Variants in UGT1A5 observed in about 807,000 individuals in gnomAD.
The protein encoded by UGT1A5 is UDP-glucuronosyltransferase 1A5.
A neutral mutation model predicts 40.3 loss-of-function variants in UGT1A5; 29 were observed. The observed-to-expected ratio is 0.72, with a 90% CI of 0.54 to 0.98. The LOEUF is 0.98. UGT1A5 is among the 50% of genes least tolerant of loss of function. The pLI is 0.00. For missense variants in UGT1A5, 678 were observed against 677.9 expected, an observed-to-expected ratio of 1.00 and a Z score of 0.00; for synonymous variants, 257 against 262.5, an observed-to-expected ratio of 0.98 and a Z score of 0.20.
intron 1 of UGT1A5, among the ~76,000 whole-genome samples, chr2:233,744,373 G>A (rs1353064237): frequency 6.6e-6 from 1 of 151,860 alleles, no homozygotes; most frequent in Non-Finnish European, 1.5e-5. Context: ...TAGGACTGCA[G>A]TTCTCCAACG....
chr2:233,771,369 G>A (rs987787590), intron 4 of UGT1A5: 2 of 151,684 alleles, frequency 1.3e-5, no homozygotes, highest in African/African-American at 4.8e-5. Flanking sequence ...CACCTAACCC[G>A]TTTTGGATTG....
chr2:233,751,515 A>G (rs1261607058), intron 1 of UGT1A5, among the ~76,000 whole-genome samples: 1 of 152,234 alleles, frequency 6.6e-6, no homozygotes, highest in Non-Finnish European at 1.5e-5. Flanking sequence ...GCCAGAGGGC[A>G]GAATGATATG....
chr2:233,733,069 G>A (rs899757131), intron 1 of UGT1A5, among the ~76,000 whole-genome samples: 2 of 152,108 alleles, frequency 1.3e-5, no homozygotes, highest in African/African-American at 4.8e-5. Context: ...TCTCTTTGTA[G>A]CAATTGTGAA....
At chr2:233,747,780 C>T (rs1371324079) in intron 1 of UGT1A5, 2 of 1,613,384 alleles carry the variant, frequency 1.2e-6, no homozygotes, top group Non-Finnish European at 1.7e-6. Flanking sequence ...GTGTCCAAAT[C>T]CTTCCTCCTA....
In UGT1A5 at chr2:233,743,774, T is replaced by G. The variant is rs370785747; in HGVS notation, c.868-23260T>G. On this transcript the variant is annotated intron_variant, in intron 1 of 4. Transcript: ENST00000373414. ...CAACACCTCGTAGGCCTCGGCCACC[T>G]GCTTGAATCTCCTCTCCGCTTCCTC... 2.2e-6 allele frequency: 3 copies of G among 1,367,230 alleles called. No homozygotes were observed. The African/African-American group carries it at 4.4e-5, about 20-fold the overall frequency. 84.7% of individuals were successfully genotyped at this position (1,367,230 alleles called of 1,614,324 possible).
chr2:233,739,074 T>A (rs1271021354), intron 1 of UGT1A5: 1 of 152,242 alleles, frequency 6.6e-6, no homozygotes, highest in Non-Finnish European at 1.5e-5. Flanking sequence ...GGTGCAAACC[T>A]CAAGCCTTGG....
chr2:233,756,342 A>G (rs1696188900), intron 1 of UGT1A5: 1 of 152,190 alleles, frequency 6.6e-6, no homozygotes, highest in Non-Finnish European at 1.5e-5. Flanking sequence ...TCATCTCTTG[A>G]TTACTTTTAC....
intron 1 of UGT1A5, chr2:233,738,890 T>A (rs1690929435): frequency 6.6e-6 from 1 of 152,188 alleles, no homozygotes. Flanking sequence ...TCAGAGACCT[T>A]TGCAGCAGAC....
intron 1 of UGT1A5, chr2:233,722,202 A>C (rs1295907588): frequency 1.9e-5 from 3 of 154,218 alleles, no homozygotes; most frequent in Admixed American, 6.5e-5. Context: ...TACTGAGTGC[A>C]TGAAAGATCA....
intron 1 of UGT1A5, chr2:233,717,747 C>G (rs1435136847): frequency 4.4e-6 from 2 of 456,422 alleles, no homozygotes; most frequent in Non-Finnish European, 8.8e-6. Flanking sequence ...CTCAGGGTCT[C>G]CCCCTAGAAA....
At chr2:233,743,809 AGGGTTTTTGTC>A in intron 1 of UGT1A5, 1 of 1,367,146 alleles carries the variant, frequency 7.3e-7, no homozygotes, top group Non-Finnish European at 9.8e-7. Context: ...CCTTGTTCTC[AGGGTTTTTGTC>A]GGGGTGCCAC....
Position 233,767,048 on chromosome 2 carries a change from C to T in UGT1A5, c.882C>T (p.Tyr294=), listed in dbSNP as rs1206098754. Residue 294 remains tyrosine (Y), a synonymous_variant, in exon 2 of 5, where the codon TAC becomes TAT. Transcript: ENST00000373414. ...TCTGGCTCTAGGAATTTGAAGCCTACATTAATGCTTCTGGAGAACATGGAA... is the reference window on the plus strand; with the variant it reads ...TCTGGCTCTAGGAATTTGAAGCCTATATTAATGCTTCTGGAGAACATGGAA... ...GKPLSQEFEA[Y]INASGEHGIV... 1.9e-6 allele frequency: 3 copies of T among 1,614,068 alleles called. No homozygotes were observed. Among genetic ancestry groups the T allele is most frequent in the Admixed American group, 3.3e-5 (2 of 60,010 alleles).
At chr2:233,767,733 C>A in intron 2 of UGT1A5, 116 bp from the exon 3 acceptor site, 1 of 1,566,288 alleles carries the variant, frequency 6.4e-7, no homozygotes, top group Non-Finnish European at 8.7e-7. Flanking sequence ...CTGATCCTCC[C>A]ACTCTGTTAA....
chr2:233,729,041 C>T (rs1448371491), intron 1 of UGT1A5: 32 of 1,605,278 alleles, frequency 2.0e-5, no homozygotes, highest in Non-Finnish European at 2.7e-5. Flanking sequence ...CTAAGTGGCT[C>T]AGTGACAAGG....
chr2:233,735,747 T>C (rs933103602), intron 1 of UGT1A5, among the ~76,000 whole-genome samples: 3 of 152,290 alleles, frequency 2.0e-5, no homozygotes, highest in African/African-American at 7.2e-5. Context: ...TATAAAGGAT[T>C]TTATTTCTCC....
chr2:233,759,291 G>A (rs2003569), intron 1 of UGT1A5, among the ~76,000 whole-genome samples: 24,209 of 152,142 alleles, frequency 0.16, 2,312 homozygotes, highest in African/African-American at 0.25. Flanking sequence ...TGATGAAGCT[G>A]AGCCCTGAGT....
At chr2:233,732,592 G>T (rs1029582982) in intron 1 of UGT1A5, among the ~76,000 whole-genome samples, 1 of 152,094 alleles carries the variant, frequency 6.6e-6, no homozygotes, top group African/African-American at 2.4e-5. Flanking sequence ...TTTTTGTCAG[G>T]TTTGTCAAAG....
intron 1 of UGT1A5, chr2:233,753,750 T>C (rs1387497613): frequency 6.6e-6 from 1 of 152,184 alleles, no homozygotes; most frequent in Non-Finnish European, 1.5e-5. Context: ...AATAGGACAG[T>C]TTTGCGTGGC....
At position 233,769,924 on chromosome 2, in the gene UGT1A5, G is replaced by A. The variant is rs1699985317; in HGVS notation, c.1307+1485G>A. On this transcript the variant is annotated intron_variant, in intron 4 of 4. Coordinates refer to ENST00000373414, the MANE Select transcript of UGT1A5 (RefSeq NM_019078.2). This position sits in a 1 kb window ranked among gnomAD's most constrained non-coding sequence, Gnocchi z 4.4. Reference sequence around the variant, plus strand: ...TCATGTGCCCAGAGCGTTGGGTGGTGTGGTCCCATTCCTTCCTTCCAGCGG... The same window carrying A: ...TCATGTGCCCAGAGCGTTGGGTGGTATGGTCCCATTCCTTCCTTCCAGCGG... 1.1e-5 allele frequency: 3 copies of A among 268,160 alleles called. No individual in the cohort carries two copies. In the South Asian group the frequency reaches 2.2e-4, roughly 20 times the overall value. 16.6% of individuals were successfully genotyped at this position (268,160 alleles called of 1,614,324 possible). A position where few individuals can be genotyped will look rare whatever the true frequency, so the allele number is the denominator to read the frequency against.
Sources: gnomAD v4.1 joint callset for allele counts (sites outside exome capture counted in the v4.1 genomes callset) on GRCh38, gnomAD v4.1.1 for gene constraint, Gnocchi (gnomAD v3.1) non-coding constraint, MANE v1.5 for transcripts, NCBI Gene and HGNC (gene_info 2026-07-23, HGNC 2026-07-21) for gene names.